The following EYS variants were observed in gnomAD, a reference collection of about 807,000 sequenced individuals.
The protein encoded by EYS is EGF-like photoreceptor maintenance factor.
A neutral mutation model predicts 282.1 loss-of-function variants in EYS; 250 were observed. The observed-to-expected ratio is 0.89, with a 90% CI of 0.80 to 0.98. The LOEUF (loss-of-function observed/expected upper bound fraction) is 0.98, where lower values mean the gene tolerates loss of function less well. EYS is among the 50% of genes least tolerant of loss of function. The probability of loss-of-function intolerance (pLI) is 0.00; values close to 1 mark genes in which losing one functional copy is unlikely to be tolerated. For synonymous variants in EYS, 1,355 were observed against 1,282.9 expected (o/e 1.06, Z -1.20); for missense variants, 4,016 against 3,709.0 (o/e 1.08, Z -2.15).
At chr6:64,234,910 G>A (rs1351508083) in intron 30 of EYS, among the ~76,000 whole-genome samples, 1 of 149,824 alleles carries the variant, frequency 6.7e-6, no homozygotes, top group African/African-American at 2.5e-5. Flanking sequence ...ACAGAGTCTC[G>A]CTCTGTCACC....
chr6:65,114,955 G>C (rs772844836), intron 12 of EYS, among the ~76,000 whole-genome samples: 5 of 151,912 alleles, frequency 3.3e-5, no homozygotes, highest in Non-Finnish European at 7.4e-5. Context: ...CACCACTAAA[G>C]TTCATGTTAT....
At chr6:63,760,644 ATGTATATCTATC>A (rs1221770311) in intron 41 of EYS, among the ~76,000 whole-genome samples, 5 of 133,472 alleles carry the variant, frequency 3.7e-5, no homozygotes, top group African/African-American at 5.7e-5. Context: ...GTATGTATGT[ATGTATATCTATC>A]TATCTATCTA....
intron 29 of EYS, among the ~76,000 whole-genome samples, chr6:64,319,189 A>G (rs191360928): frequency 3.5e-4 from 53 of 152,124 alleles, no homozygotes; most frequent in South Asian, 1.2e-3. Flanking sequence ...TTGAAAACCA[A>G]TAAAGTTGGT....
chr6:65,283,393 A>G (rs1287845213), intron 12 of EYS, among the ~76,000 whole-genome samples: 1 of 151,994 alleles, frequency 6.6e-6, no homozygotes, highest in African/African-American at 2.4e-5. Context: ...TTAGTTTTAT[A>G]TCTTACTTTT....
intron 5 of EYS, among the ~76,000 whole-genome samples, chr6:65,423,153 T>A (rs148162945): frequency 6.6e-6 from 1 of 151,754 alleles, no homozygotes; most frequent in South Asian, 2.1e-4. Context: ...AAACTAAAAT[T>A]TAAAAATTCA....
chr6:64,046,746 A>T (rs560073420), intron 33 of EYS, among the ~76,000 whole-genome samples: 6 of 152,312 alleles, frequency 3.9e-5, no homozygotes, highest in African/African-American at 1.4e-4. Context: ...TGATATTCAC[A>T]TTCGATTATA....
chr6:64,943,339 G>A (rs767999562), intron 15 of EYS, among the ~76,000 whole-genome samples: 2 of 151,962 alleles, frequency 1.3e-5, no homozygotes, highest in Non-Finnish European at 2.9e-5. Context: ...CCGGAAGTCC[G>A]AGCCAGAGCT....
chr6:65,052,447 T>G (rs1313963807), intron 13 of EYS, among the ~76,000 whole-genome samples: 1 of 151,594 alleles, frequency 6.6e-6, no homozygotes, highest in African/African-American at 2.4e-5. Flanking sequence ...AGAGGGCTTT[T>G]AATAAAGAGT....
chr6:65,649,082 G>A (rs1379672950), intron 1 of EYS, among the ~76,000 whole-genome samples: 1 of 140,784 alleles, frequency 7.1e-6, no homozygotes, highest in African/African-American at 2.6e-5. Flanking sequence ...GGAGGCCAGT[G>A]AGCTGAGATC....
At position 65,384,233 on chromosome 6, in the gene EYS, CCTATT is replaced by C. The variant is rs200089992; in HGVS notation, c.1299+148_1299+152del. 5.2e-3 allele frequency among the ~76,000 whole-genome samples: 789 copies of C among 151,742 alleles called. 12 individuals carry two copies. The highest frequency in any genetic ancestry group is 0.018 in the African/African-American group (753 of 41,466). On this transcript the variant is annotated intron_variant, in intron 8 of 42. Transcript: ENST00000503581. ...AACATAATTCTTATAAATTAAAACCCCTATTGCTAAGCTTTACATAACTCACATTT... is the reference window on the plus strand; with the variant it reads ...AACATAATTCTTATAAATTAAAACCCGCTAAGCTTTACATAACTCACATTT...
At chr6:65,510,056 A>G (rs2127286783) in intron 2 of EYS, among the ~76,000 whole-genome samples, 1 of 150,962 alleles carries the variant, frequency 6.6e-6, no homozygotes, top group Middle Eastern at 3.4e-3. Context: ...GTTTTAGGGT[A>G]CATGTGCACA....
At chr6:64,125,028 C>T (rs955203898) in intron 31 of EYS, among the ~76,000 whole-genome samples, 1 of 152,002 alleles carries the variant, frequency 6.6e-6, no homozygotes, top group Non-Finnish European at 1.5e-5. Context: ...TGAACAAAGA[C>T]AAAAGTTCTG....
rs116365788 is a variant in EYS at position 65,010,008 on chromosome 6, C to G, written c.2138-12305G>C. Among the ~76,000 whole-genome samples, 1,472 of 152,268 alleles carry G rather than the reference C, an allele frequency of 9.7e-3. 17 individuals carry two copies. The highest frequency in any genetic ancestry group is 0.034 in the African/African-American group (1,414 of 41,520). ...ATTAAGGAAACTCAGAAATCCAATA[C>G]CCATTTAGTAAGATGGACACCTGAA... On this transcript the variant is annotated intron_variant, in intron 13 of 42. Transcript: ENST00000503581.
intron 12 of EYS, among the ~76,000 whole-genome samples, chr6:65,294,247 AAAGT>A (rs139639006): frequency 0.051 from 7,765 of 151,960 alleles, 617 homozygotes; most frequent in African/African-American, 0.17. Flanking sequence ...CATCCCTGGG[AAAGT>A]TTAGGCAGAT....
At chr6:65,304,445 G>GA in intron 11 of EYS, 2 of 520,424 alleles carry the variant, frequency 3.8e-6, no homozygotes, top group East Asian at 3.2e-5. Flanking sequence ...ACAGACCTTG[G>GA]AAAAAAGGGG....
At chr6:64,292,850 C>G (rs78972471) in intron 30 of EYS, among the ~76,000 whole-genome samples, 70 of 152,154 alleles carry the variant, frequency 4.6e-4, no homozygotes, top group African/African-American at 1.6e-3. Context: ...AAATATACAT[C>G]AAATCATGCA....
intron 22 of EYS, among the ~76,000 whole-genome samples, chr6:64,757,014 T>C (rs1291479149): frequency 6.6e-6 from 1 of 152,056 alleles, no homozygotes; most frequent in African/African-American, 2.4e-5. Context: ...AGATGGATCT[T>C]CACATATACG....
intron 31 of EYS, among the ~76,000 whole-genome samples, chr6:64,098,760 C>A (rs1377270928): frequency 2.0e-5 from 3 of 151,880 alleles, no homozygotes; most frequent in Non-Finnish European, 4.4e-5. Context: ...GCCACCACGC[C>A]CAGCTAATTT....
chr6:65,694,859 T>A (rs912922262), intron 1 of EYS, among the ~76,000 whole-genome samples: 1 of 151,968 alleles, frequency 6.6e-6, no homozygotes, highest in Non-Finnish European at 1.5e-5. Flanking sequence ...CTTCAAAGTG[T>A]TTAATAATCT....
Sources: allele counts gnomAD v4.1 joint callset (sites outside exome capture counted in the v4.1 genomes callset), GRCh38; gene constraint gnomAD v4.1.1; transcripts MANE v1.5; gene names NCBI Gene and HGNC (gene_info 2026-07-23, HGNC 2026-07-21).